ATPAF2: variants seen among roughly 807,000 people sequenced by gnomAD.
ATPAF2 encodes the protein ATP synthase mitochondrial F1 complex assembly factor 2, also known as ATP12 homolog.
A neutral mutation model predicts 36.6 loss-of-function variants in ATPAF2; 30 were observed. The observed-to-expected ratio is 0.82, with a 90% confidence interval of 0.61 to 1.11. The LOEUF (loss-of-function observed/expected upper bound fraction) is 1.11, where lower values mean the gene tolerates loss of function less well. Ranked by LOEUF, ATPAF2 falls within the 50% of genes most tolerant of loss-of-function variation. The pLI is 0.00. For missense variants in ATPAF2, 321 were observed against 372.3 expected (o/e 0.86, Z 1.13); for synonymous variants, 140 against 152.6 (o/e 0.92, Z 0.61).
chr17:18,015,983 A>G (rs1358088132), downstream of ATPAF2: 4 of 1,513,660 alleles, frequency 2.6e-6, no homozygotes, highest in Non-Finnish European at 3.6e-6. Flanking sequence ...GGACTTCCAA[A>G]TGCTCCTTCT....
intron 5 of ATPAF2, among the ~76,000 whole-genome samples, chr17:18,022,992 A>C (rs2044493185): frequency 6.6e-6 from 1 of 151,788 alleles, no homozygotes. Flanking sequence ...CCGGGTGTAG[A>C]TGGTGCATGC....
downstream of ATPAF2, chr17:18,015,979 C>T (rs1205511314): frequency 1.3e-6 from 2 of 1,496,804 alleles, no homozygotes; most frequent in East Asian, 4.6e-5. Flanking sequence ...CAGGGGACTT[C>T]CAAATGCTCC....
intron 7 of ATPAF2, 75 bp downstream of exon 7, chr17:18,021,048 A>C: frequency 6.5e-7 from 1 of 1,540,362 alleles, no homozygotes; most frequent in Non-Finnish European, 8.8e-7. Context: ...ACTATATTTC[A>C]GATGGGTTAG....
intron 3 of ATPAF2, 24 bp downstream of exon 3, chr17:18,028,208 A>T: frequency 1.2e-6 from 2 of 1,614,154 alleles, no homozygotes; most frequent in Non-Finnish European, 1.7e-6. Context: ...CTCAGGGTCC[A>T]GGTTCACACT....
intron 1 of ATPAF2, among the ~76,000 whole-genome samples, chr17:18,031,540 G>C (rs8068662): frequency 1.1e-4 from 16 of 151,894 alleles, no homozygotes; most frequent in Admixed American, 1.3e-4. Context: ...CAGCACTTTG[G>C]GGGGCTGAGG....
rs1032507299 is a variant in ATPAF2 at position 18,033,562 on chromosome 17, T to C, written c.134-4903A>G. Among the ~76,000 whole-genome samples the C allele has an allele frequency of 3.3e-5, 5 of 152,042 alleles. No homozygotes were observed. In the South Asian group the frequency reaches 6.3e-4, roughly 19 times the overall value. On this transcript the variant is annotated intron_variant, in intron 1 of 7. Transcript: ENST00000474627. ...AAATCAGCCTAGCTTTGTAGGATCA[T>C]GCAGAACTGGCCTTTCCTTTAGAAA...
intron 7 of ATPAF2, among the ~76,000 whole-genome samples, chr17:18,019,147 C>CCACATA (rs2044429172): frequency 7.4e-6 from 1 of 135,570 alleles, no homozygotes; most frequent in African/African-American, 2.9e-5. Context: ...CTCAAAAACA[C>CCACATA]CACACACACA....
intron 1 of ATPAF2, 32 bp from the exon 2 acceptor site, chr17:18,028,691 A>C (rs368107560): frequency 1.3e-4 from 214 of 1,606,922 alleles, no homozygotes; most frequent in Non-Finnish European, 1.7e-4. Context: ...GAGGCAGTTT[A>C]AAATAACGTT....
At chr17:18,021,525 T>G (rs928210870) in intron 6 of ATPAF2, 2 of 628,202 alleles carry the variant, frequency 3.2e-6, no homozygotes, top group Non-Finnish European at 5.7e-6. Flanking sequence ...GCAATGAGAT[T>G]GAACTCAAGA....
rs545332138 is a variant in ATPAF2, at chr17:18,018,599, G to A, written c.820C>T (p.His274Tyr). The stretch of plus-strand genomic sequence containing the variant: ...ACTGTGGTGCTCTCGGAGCAGAGAT[G>A]GATGAAGAGGGTGCCGGCGGCGGTG... ...ARTAAGTLFI[H>Y]LCSESTTVKH... Residue 274 changes from histidine (H) to tyrosine (Y), a missense_variant, in exon 8 of 8, where the codon CAT (histidine) becomes TAT (tyrosine). By Grantham distance (83) the His-to-Tyr change is moderately conservative. This residue lies in a region of ATPAF2 where 199 missense variants were observed against 220.6 expected (regional missense o/e 0.90). Coordinates refer to ENST00000474627, the MANE Select transcript of ATPAF2 (RefSeq NM_145691.4). 1.2e-5 allele frequency: 20 copies of A among 1,614,004 alleles called. No individual in the cohort carries two copies. In the African/African-American group the frequency reaches 2.0e-4, roughly 16 times the overall value.
chr17:18,015,839 G>A, downstream of ATPAF2: 1 of 501,276 alleles, frequency 2.0e-6, no homozygotes, highest in Non-Finnish European at 3.6e-6. Context: ...GTAACACCCT[G>A]GTTGGCCCTT....
downstream of ATPAF2, chr17:18,016,592 G>A (rs756240634): frequency 1.2e-5 from 20 of 1,613,746 alleles, no homozygotes; most frequent in East Asian, 8.9e-5. Flanking sequence ...AACCGCAAGC[G>A]CGTGAAGGAG....
intron 5 of ATPAF2, 133 bp from the exon 6 acceptor site, chr17:18,021,990 G>T (rs1323650808): frequency 1.2e-5 from 9 of 773,452 alleles, no homozygotes; most frequent in Non-Finnish European, 1.8e-5. Context: ...TTGACTACAG[G>T]AGCAACTGCC....
chr17:18,026,438 C>A (rs778185320), intron 3 of ATPAF2, 22 bp from the exon 4 acceptor site: 2 of 1,595,368 alleles, frequency 1.3e-6, no homozygotes, highest in Non-Finnish European at 1.7e-6. Context: ...GCAAAAACCA[C>A]CCTGTCACTG....
Position 18,021,785 on chromosome 17 carries a change from G to A in ATPAF2, c.576C>T (p.Leu192=), listed in dbSNP as rs369318001. ...TGTTGTAAGATGCCAGGTGGCTGACGAGCACCTCCCGAGTTTTGGCAGGGA... is the reference window on the plus strand; with the variant it reads ...TGTTGTAAGATGCCAGGTGGCTGACAAGCACCTCCCGAGTTTTGGCAGGGA... The part of the protein sequence containing the change: ...PSIPAKTREV[L]VSHLASYNTW... The change falls in exon 6 of 8, where the codon CTC becomes CTT. Residue 192 remains leucine, a synonymous_variant. Transcript: ENST00000474627. 7.1e-5 allele frequency: 115 copies of A among 1,614,030 alleles called. No homozygotes were observed. The highest frequency in any genetic ancestry group is 8.8e-5 in the South Asian group (8 of 91,068).
At chr17:18,016,101 G>A (rs1205201855), downstream of ATPAF2, 1 of 1,613,754 alleles carries the variant, frequency 6.2e-7, no homozygotes, top group East Asian at 2.2e-5. Context: ...AATGCTGTCG[G>A]GGCATCGCAC....
At chr17:18,026,510 C>T (rs2044547988) in intron 3 of ATPAF2, 94 bp from the exon 4 acceptor site, 2 of 896,564 alleles carry the variant, frequency 2.2e-6, no homozygotes, top group African/African-American at 1.6e-5. Context: ...ACATAGCAGA[C>T]AGCACCACAG....
chr17:18,038,887 G>A lies in ATPAF2; in HGVS notation c.127C>T (p.Pro43Ser), dbSNP rs767804954. ...GAACATGTCATGGTCTTACCTGTCGGCGGGGCGTAAGCCCGGGCTGGAGAC... is the reference window on the plus strand; with the variant it reads ...GAACATGTCATGGTCTTACCTGTCGACGGGGCGTAAGCCCGGGCTGGAGAC... ...IPSPARAYAPPTERKRFYQNV... is the reference protein window; with the variant it reads ...IPSPARAYAPSTERKRFYQNV... Residue 43 changes from proline to serine, a missense_variant, in exon 1 of 8, where the codon CCG (proline) becomes TCG (serine). Physicochemically the swap from Pro to Ser is moderately conservative, Grantham distance 74. Coordinates refer to ENST00000474627, the MANE Select transcript of ATPAF2 (RefSeq NM_145691.4). 8 of 1,614,014 alleles carry A rather than the reference G, an allele frequency of 5.0e-6. No homozygotes were observed. In the Admixed American group the frequency reaches 1.2e-4, roughly 24 times the overall value.
chr17:18,022,192 T>TTA (rs1249565827), intron 5 of ATPAF2, among the ~76,000 whole-genome samples: 1 of 152,238 alleles, frequency 6.6e-6, no homozygotes, highest in Non-Finnish European at 1.5e-5. Context: ...TTACATCTCT[T>TTA]TAAAGTTTTT....
Sources: allele counts gnomAD v4.1 joint callset (sites outside exome capture counted in the v4.1 genomes callset), GRCh38; gene constraint gnomAD v4.1.1; regional missense constraint gnomAD v4.1.1; transcripts MANE v1.5; gene names NCBI Gene and HGNC (gene_info 2026-07-23, HGNC 2026-07-21).